The following TAFA4 variants were observed in gnomAD, a reference collection of about 807,000 sequenced individuals.
The protein encoded by TAFA4 is TAFA chemokine like family member 4, also known as chemokine-like protein TAFA-4.
In TAFA4, 20 loss-of-function variants were observed where a neutral mutation model predicts 21.1. The observed-to-expected ratio is 0.95, with a 90% confidence interval of 0.67 to 1.38. The LOEUF (loss-of-function observed/expected upper bound fraction) is 1.38, where lower values mean the gene tolerates loss of function less well. TAFA4 is among the 40% of genes most tolerant of loss of function. TAFA4 has a pLI of 0.00. For synonymous variants in TAFA4, 71 were observed against 67.4 expected (o/e 1.05, Z -0.26); for missense variants, 211 against 180.9 (o/e 1.17, Z -0.95).
intron 1 of TAFA4, among the ~76,000 whole-genome samples, chr3:68,886,677 G>A (rs1277006382): frequency 6.6e-6 from 1 of 152,144 alleles, no homozygotes; most frequent in Non-Finnish European, 1.5e-5. Flanking sequence ...AAGAAGCCAG[G>A]AGTTTAATTT....
intron 3 of TAFA4, among the ~76,000 whole-genome samples, chr3:68,782,633 AAGAC>A (rs1200153615): frequency 1.3e-5 from 2 of 152,234 alleles, no homozygotes; most frequent in East Asian, 1.9e-4. Context: ...AAAAAGAAAA[AAGAC>A]AGACAAAAAG....
intron 1 of TAFA4, among the ~76,000 whole-genome samples, chr3:68,928,312 C>T (rs2090128385): frequency 6.6e-6 from 1 of 152,108 alleles, no homozygotes; most frequent in Non-Finnish European, 1.5e-5. Context: ...TGTGGGGTAC[C>T]ATTATCGTTA....
intron 3 of TAFA4, among the ~76,000 whole-genome samples, chr3:68,806,194 A>G (rs1344876915): frequency 6.6e-6 from 1 of 152,156 alleles, no homozygotes; most frequent in Middle Eastern, 3.2e-3. Flanking sequence ...AGAAAAAAAA[A>G]TAATACTTTC....
intron 3 of TAFA4, among the ~76,000 whole-genome samples, chr3:68,794,612 G>T (rs1374980501): frequency 6.6e-6 from 1 of 152,040 alleles, no homozygotes; most frequent in African/African-American, 2.4e-5. Flanking sequence ...TCCACACTGT[G>T]TAGTGATCTC....
At chr3:68,749,122 G>C (rs559815109) in intron 4 of TAFA4, among the ~76,000 whole-genome samples, 28 of 152,240 alleles carry the variant, frequency 1.8e-4, no homozygotes, top group African/African-American at 6.3e-4. Context: ...AATCCCCAAT[G>C]TATATTAAAG....
At chr3:68,757,440 T>C (rs371301842) in intron 3 of TAFA4, among the ~76,000 whole-genome samples, 22 of 152,176 alleles carry the variant, frequency 1.4e-4, no homozygotes, top group African/African-American at 5.3e-4. Context: ...ATTCAGTCCA[T>C]AACAAACCAT....
chr3:68,821,745 A>G (rs911162764), intron 3 of TAFA4, among the ~76,000 whole-genome samples: 1 of 152,208 alleles, frequency 6.6e-6, no homozygotes, highest in African/African-American at 2.4e-5. Flanking sequence ...TAAAGAGTGA[A>G]GCCTGAAGGG....
At chr3:68,875,233 T>G (rs540175643) in intron 3 of TAFA4, among the ~76,000 whole-genome samples, 107 of 152,220 alleles carry the variant, frequency 7.0e-4, no homozygotes, top group African/African-American at 2.0e-3. Flanking sequence ...TTCCAGTTTT[T>G]TTTTTTTTTT....
chr3:68,760,119 G>A (rs889239450), intron 3 of TAFA4, among the ~76,000 whole-genome samples: 6 of 152,134 alleles, frequency 3.9e-5, no homozygotes, highest in African/African-American at 1.2e-4. Context: ...TGAGATGCCT[G>A]TTTCCTCATT....
chr3:68,814,606 G>A (rs1002624482), intron 3 of TAFA4, among the ~76,000 whole-genome samples: 1 of 152,076 alleles, frequency 6.6e-6, no homozygotes, highest in South Asian at 2.1e-4. Flanking sequence ...CAACTTACAA[G>A]GAATGTGAAG....
intron 3 of TAFA4, among the ~76,000 whole-genome samples, chr3:68,760,702 G>A (rs1048297948): frequency 2.6e-5 from 4 of 152,222 alleles, no homozygotes; most frequent in Admixed American, 2.6e-4. Flanking sequence ...AGCAGAAAAT[G>A]AGGCCACAGA....
At chr3:68,738,542 G>A (rs1444700402) in intron 5 of TAFA4, among the ~76,000 whole-genome samples, 1 of 152,174 alleles carries the variant, frequency 6.6e-6, no homozygotes, top group African/African-American at 2.4e-5. Context: ...AAATCCTAAG[G>A]ACAATGTAAC....
intron 3 of TAFA4, among the ~76,000 whole-genome samples, chr3:68,849,545 A>G (rs768500627): frequency 2.0e-5 from 3 of 152,184 alleles, no homozygotes; most frequent in African/African-American, 7.2e-5. Context: ...TTGACAAGGT[A>G]GCAGAAATAT....
intron 3 of TAFA4, among the ~76,000 whole-genome samples, chr3:68,786,540 T>C (rs970387583): frequency 3.9e-5 from 6 of 152,248 alleles, no homozygotes; most frequent in African/African-American, 1.4e-4. Flanking sequence ...GCTAAATGTT[T>C]ATATACACTT....
intron 3 of TAFA4, among the ~76,000 whole-genome samples, chr3:68,837,834 G>C (rs1026986063): frequency 2.0e-5 from 3 of 151,374 alleles, no homozygotes; most frequent in African/African-American, 7.3e-5. Context: ...TGACTTTTTT[G>C]TTTTGGTTTG....
At chr3:68,754,888 T>C (rs144825135) in intron 3 of TAFA4, among the ~76,000 whole-genome samples, 1 of 152,294 alleles carries the variant, frequency 6.6e-6, no homozygotes, top group Non-Finnish European at 1.5e-5. Flanking sequence ...TTCTCATCAT[T>C]CTCTGAGAAC....
chr3:68,895,873 G>C (rs763596827), intron 1 of TAFA4, among the ~76,000 whole-genome samples: 4 of 152,190 alleles, frequency 2.6e-5, no homozygotes, highest in Non-Finnish European at 4.4e-5. Flanking sequence ...GAAAACAAAA[G>C]TGAACAATGT....
chr3:68,739,361 T>C (rs890465701), intron 4 of TAFA4, among the ~76,000 whole-genome samples, 162 bp from the exon 5 acceptor site: 4 of 152,216 alleles, frequency 2.6e-5, no homozygotes, highest in Admixed American at 2.0e-4. Flanking sequence ...CTACAAAATA[T>C]TTCATTTTTT....
intron 1 of TAFA4, among the ~76,000 whole-genome samples, chr3:68,923,553 T>G (rs2090079555): frequency 6.6e-6 from 1 of 152,176 alleles, no homozygotes; most frequent in African/African-American, 2.4e-5. Flanking sequence ...ATGGGCTGCA[T>G]GATTATCAAT....
Sources: gnomAD v4.1 joint callset for allele counts (sites outside exome capture counted in the v4.1 genomes callset) on GRCh38, gnomAD v4.1.1 for gene constraint, MANE v1.5 for transcripts, NCBI Gene and HGNC (gene_info 2026-07-23, HGNC 2026-07-21) for gene names.